The following UBE2V2 variants were observed in gnomAD, a reference collection of about 807,000 sequenced individuals.
UBE2V2 encodes ubiquitin conjugating enzyme E2 V2.
In UBE2V2, 9 loss-of-function variants were observed where a neutral mutation model predicts 17.2. The ratio of observed to expected loss-of-function variants is 0.52; its 90% CI spans 0.32 to 0.91. The LOEUF (loss-of-function observed/expected upper bound fraction) is 0.91. UBE2V2 is among the 40% of genes least tolerant of loss of function. UBE2V2 has a pLI of 0.04. For missense variants in UBE2V2, 133 were observed against 182.6 expected, an observed-to-expected ratio of 0.73 and a Z score of 1.56; for synonymous variants, 61 against 57.5, an observed-to-expected ratio of 1.06 and a Z score of -0.28.
At chr8:48,005,125 C>T (rs1162268784), upstream of UBE2V2, among the ~76,000 whole-genome samples, 1 of 151,328 alleles carries the variant, frequency 6.6e-6, no homozygotes, top group East Asian at 1.9e-4. Context: ...ACCCATCAAC[C>T]TGTCATCTAC....
chr8:48,040,511 T>C (rs117959431), intron 1 of UBE2V2, among the ~76,000 whole-genome samples: 1 of 152,346 alleles, frequency 6.6e-6, no homozygotes, highest in Non-Finnish European at 1.5e-5. Context: ...ATATGTCTGC[T>C]TTGGGGCTTT....
intron 1 of UBE2V2, among the ~76,000 whole-genome samples, chr8:48,037,475 A>G (rs2091432447): frequency 6.6e-6 from 1 of 152,256 alleles, no homozygotes; most frequent in Non-Finnish European, 1.5e-5. Context: ...CCACTGATAC[A>G]GTTTAGTAGA....
rs978487645 is a variant in UBE2V2 at position 48,061,316 on chromosome 8, A to C, written c.*488A>C. ...GGGTGCTGACTACTAGTAGTATCAA[A>C]AATATGTTCAGGATTGTTTTGATAC... is the stretch of plus-strand genomic sequence containing the variant. On this transcript the variant is annotated 3_prime_UTR_variant, in exon 4 of 4. Transcript: ENST00000523111. The C allele has an allele frequency of 6.6e-6, 1 of 152,638 alleles. No individual in the cohort carries two copies. The highest frequency in any genetic ancestry group is 2.4e-5 in the African/African-American group (1 of 41,466). The allele number at this position is 152,638 out of a possible 1,614,324, so 9.5% of individuals were successfully genotyped here.
At chr8:48,045,700 G>A (rs115410236) in intron 2 of UBE2V2, among the ~76,000 whole-genome samples, 44 of 152,272 alleles carry the variant, frequency 2.9e-4, no homozygotes, top group African/African-American at 1.0e-3. Flanking sequence ...GTAGGAGGGT[G>A]TGCCCTGCAA....
intron 1 of UBE2V2, among the ~76,000 whole-genome samples, chr8:48,035,230 C>T (rs2091414339): frequency 6.8e-6 from 1 of 147,896 alleles, no homozygotes; most frequent in South Asian, 2.1e-4. Flanking sequence ...ATTCTCATGT[C>T]TCAGCCTCCA....
At chr8:48,036,078 C>A (rs746132915) in intron 1 of UBE2V2, among the ~76,000 whole-genome samples, 4 of 151,328 alleles carry the variant, frequency 2.6e-5, no homozygotes, top group Non-Finnish European at 5.9e-5. Flanking sequence ...TGTTAGCCTC[C>A]GGAGCAGCTC....
At chr8:48,055,480 T>G (rs1194752906) in intron 3 of UBE2V2, among the ~76,000 whole-genome samples, 5 of 151,904 alleles carry the variant, frequency 3.3e-5, no homozygotes, top group Non-Finnish European at 7.4e-5. Context: ...GGATTACAAG[T>G]GTGAGCCATT....
intron 1 of UBE2V2, among the ~76,000 whole-genome samples, chr8:48,025,508 C>T (rs2091337260): frequency 6.7e-6 from 1 of 149,772 alleles, no homozygotes; most frequent in Non-Finnish European, 1.5e-5. Context: ...GAACTCCTGA[C>T]ATCAAGTAAT....
chr8:48,059,752 G>GGTA (rs1462364060), intron 3 of UBE2V2, among the ~76,000 whole-genome samples: 3 of 152,144 alleles, frequency 2.0e-5, no homozygotes, highest in Admixed American at 6.5e-5. Flanking sequence ...AAATGCCCAA[G>GGTA]GTAGGAGGTG....
intron 1 of UBE2V2, among the ~76,000 whole-genome samples, chr8:48,041,159 CG>C (rs1378705474): frequency 2.7e-5 from 4 of 147,646 alleles, no homozygotes; most frequent in African/African-American, 1.0e-4. Context: ...CCACTGTGCC[CG>C]GCCTTTTTTG....
At chr8:48,026,303 A>G (rs1399677826) in intron 1 of UBE2V2, among the ~76,000 whole-genome samples, 1 of 152,156 alleles carries the variant, frequency 6.6e-6, no homozygotes, top group Non-Finnish European at 1.5e-5. Flanking sequence ...GAAAAGGGCC[A>G]GTTTCCTCTA....
chr8:48,048,179 G>A (rs777365732), intron 2 of UBE2V2, among the ~76,000 whole-genome samples: 4 of 152,122 alleles, frequency 2.6e-5, no homozygotes, highest in Non-Finnish European at 5.9e-5. Context: ...GTGTTGTAGA[G>A]CTTTGGTAAG....
In UBE2V2 at chr8:48,043,191, A is replaced by T. The variant is rs2091475882; in HGVS notation, c.165+10A>T. 1 of 1,450,966 alleles carries T rather than the reference A, an allele frequency of 6.9e-7. No homozygotes were observed. Among genetic ancestry groups the T allele is most frequent in the Non-Finnish European group, 9.1e-7 (1 of 1,096,086 alleles). 89.9% of individuals were successfully genotyped at this position (1,450,966 alleles called of 1,614,324 possible). ...TATTGGGCCACCAAGGGTCAGTGTTATAAATTATATTTTTTCTATTAATAC... is the reference window on the plus strand; with the variant it reads ...TATTGGGCCACCAAGGGTCAGTGTTTTAAATTATATTTTTTCTATTAATAC... On this transcript the variant is annotated intron_variant, in intron 2 of 3. Transcript: ENST00000523111.
chr8:47,998,036 G>T, the UBE2V2 span, among the ~76,000 whole-genome samples: 1 of 151,958 alleles, frequency 6.6e-6, no homozygotes, highest in African/African-American at 2.4e-5. Flanking sequence ...AGAGAGTAAA[G>T]AAAGCCAGAA....
At chr8:48,023,594 C>T (rs1035211790) in intron 1 of UBE2V2, among the ~76,000 whole-genome samples, 11 of 151,946 alleles carry the variant, frequency 7.2e-5, no homozygotes, top group Non-Finnish European at 1.3e-4. Flanking sequence ...AGGCTGGGCG[C>T]GCAGTAGTGG....
chr8:48,054,942 T>C (rs1486841345), intron 3 of UBE2V2, among the ~76,000 whole-genome samples: 1 of 151,936 alleles, frequency 6.6e-6, no homozygotes, highest in African/African-American at 2.4e-5. Flanking sequence ...TTTTTTTTTC[T>C]GCACCCTGTT....
At chr8:48,054,232 C>A (rs978894583) in intron 3 of UBE2V2, among the ~76,000 whole-genome samples, 1 of 152,212 alleles carries the variant, frequency 6.6e-6, no homozygotes, top group African/African-American at 2.4e-5. Flanking sequence ...TGGCCTGCCC[C>A]TTTCCATGGA....
At chr8:48,007,107 C>T (rs2091188754), upstream of UBE2V2, among the ~76,000 whole-genome samples, 1 of 151,330 alleles carries the variant, frequency 6.6e-6, no homozygotes, top group Non-Finnish European at 1.5e-5. Flanking sequence ...CCAAGATGGT[C>T]TTGATCTTCT....
At chr8:48,052,910 C>T (rs1021284526) in intron 3 of UBE2V2, among the ~76,000 whole-genome samples, 4 of 152,054 alleles carry the variant, frequency 2.6e-5, no homozygotes, top group African/African-American at 9.7e-5. Context: ...CTGTAAATTC[C>T]ACTTTCTTTT....
Sources: allele counts gnomAD v4.1 joint callset (sites outside exome capture counted in the v4.1 genomes callset), GRCh38; gene constraint gnomAD v4.1.1; transcripts MANE v1.5; gene names NCBI Gene and HGNC (gene_info 2026-07-23, HGNC 2026-07-21).